Variants in CFAP54 observed in about 807,000 individuals in gnomAD.
CFAP54 encodes cilia and flagella associated protein 54, also known as cilia- and flagella-associated protein 54.
In CFAP54, 290 loss-of-function variants were observed where a neutral mutation model predicts 370.4. The observed-to-expected ratio is 0.78, with a 90% CI of 0.71 to 0.86. The LOEUF is 0.86. Ranked by LOEUF, CFAP54 falls within the 40% of genes least tolerant of loss-of-function variation. The probability of loss-of-function intolerance (pLI) is 0.00; values close to 1 mark genes in which losing one functional copy is unlikely to be tolerated. For missense variants in CFAP54, 3,399 were observed against 3,528.7 expected (o/e 0.96, Z 0.93); for synonymous variants, 1,206 against 1,236.5 (o/e 0.98, Z 0.52).
At chr12:96,722,238 T>G (rs530106338) in intron 50 of CFAP54, among the ~76,000 whole-genome samples, 2 of 152,310 alleles carry the variant, frequency 1.3e-5, no homozygotes, top group African/African-American at 4.8e-5. Context: ...AAGGTCTCTT[T>G]ATGTGAGCAG....
chr12:96,511,203 A>G (rs1955162559), intron 4 of CFAP54, among the ~76,000 whole-genome samples: 1 of 152,008 alleles, frequency 6.6e-6, no homozygotes, highest in Non-Finnish European at 1.5e-5. Context: ...TTAAATTTAA[A>G]TTTTATTCAA....
At chr12:96,552,323 G>A (rs12370030) in intron 15 of CFAP54, among the ~76,000 whole-genome samples, 1 of 150,564 alleles carries the variant, frequency 6.6e-6, no homozygotes, top group Non-Finnish European at 1.5e-5. Flanking sequence ...ATACATTGCA[G>A]CATATTTAGT....
At chr12:96,608,486 G>T (rs1490874114) in intron 26 of CFAP54, among the ~76,000 whole-genome samples, 3 of 116,640 alleles carry the variant, frequency 2.6e-5, no homozygotes, top group African/African-American at 1.0e-4. Context: ...TTTTGAGGCA[G>T]AGTCTCACTC....
rs772327607 is a variant in CFAP54, at chr12:96,742,530, G to A, written c.7163G>A (p.Arg2388His). 20 of 1,613,012 alleles carry A rather than the reference G, an allele frequency of 1.2e-5. No individual in the cohort carries two copies. The Admixed American group carries it at 1.7e-4, about 13-fold the overall frequency. The change falls in exon 52 of 68, where the codon CGC becomes CAC. Residue 2388 changes from arginine (R) to histidine (H), a missense_variant. By Grantham distance (29) the Arg-to-His change is conservative. Transcript: ENST00000524981. ...AACATTCATCTGTGGTTGAGGTGCC[G>A]CTTAGCATTGGTGACTGCATTTGTT... ...YFNIHLWLRC[R>H]LALVTAFVAQ...
intron 67 of CFAP54, among the ~76,000 whole-genome samples, chr12:96,868,417 C>CA (rs1286027281): frequency 2.1e-5 from 3 of 141,986 alleles, no homozygotes; most frequent in African/African-American, 5.0e-5. Flanking sequence ...CAATTTTTTA[C>CA]TTGTATGTTC....
chr12:96,660,967 A>G (rs901213434), intron 38 of CFAP54, among the ~76,000 whole-genome samples: 28 of 152,200 alleles, frequency 1.8e-4, no homozygotes, highest in African/African-American at 6.8e-4. Flanking sequence ...ATGAAGAGAT[A>G]CATAGGGTGA....
At chr12:96,550,236 G>A (rs1055139376) in intron 15 of CFAP54, among the ~76,000 whole-genome samples, 4 of 152,146 alleles carry the variant, frequency 2.6e-5, no homozygotes, top group African/African-American at 9.7e-5. Context: ...TGATGATGAT[G>A]ATGATAGAAT....
intron 30 of CFAP54, among the ~76,000 whole-genome samples, chr12:96,628,293 T>C (rs1205113930): frequency 2.0e-5 from 3 of 152,188 alleles, no homozygotes; most frequent in Admixed American, 6.5e-5. Context: ...TTTATCAAAA[T>C]GAAAAGCAGT....
chr12:96,765,612 A>G (rs1958395283), intron 60 of CFAP54, among the ~76,000 whole-genome samples: 2 of 152,080 alleles, frequency 1.3e-5, no homozygotes, highest in Admixed American at 6.5e-5. Context: ...ATTTGTATAT[A>G]TGTTTGATTA....
Position 96,797,500 on chromosome 12 carries a change from G to A in CFAP54, c.8850+5001G>A, listed in dbSNP as rs183657727. ...TCTCAAATTTTGCTTTACTTAATTT[G>A]AGGCTGTGTTCTTGGGTGCAATCAG... is the stretch of plus-strand genomic sequence containing the variant. On this transcript the variant is annotated intron_variant, in intron 63 of 67. Transcript: ENST00000524981. 6.6e-5 allele frequency among the ~76,000 whole-genome samples: 10 copies of A among 152,022 alleles called. No homozygotes were observed. The East Asian group carries it at 1.9e-3, about 29-fold the overall frequency.
intron 43 of CFAP54, 100 bp from the exon 44 acceptor site, chr12:96,691,028 A>T: frequency 1.0e-6 from 1 of 988,466 alleles, no homozygotes; most frequent in Non-Finnish European, 1.5e-6. Flanking sequence ...CTAGGCATAT[A>T]CTAAGCATTT....
In CFAP54 at chr12:96,644,310, G is replaced by A. The variant is rs1300507423; in HGVS notation, c.4449G>A (p.Gln1483=). The change falls in exon 33 of 68, where the codon CAG becomes CAA. Residue 1483 remains glutamine, a synonymous_variant. Transcript: ENST00000524981. ...TTGAAGAGATGCCCTGGAGAGCTCA[G>A]ATGAACCTGTATCTAGCAGGTGCAC... ...LSLEEMPWRA[Q]MNLYLAGAHF... 6.5e-7 allele frequency: 1 copy of A among 1,535,990 alleles called. No homozygotes were observed. The highest frequency in any genetic ancestry group is 8.7e-7 in the Non-Finnish European group (1 of 1,146,790).
At chr12:96,768,415 G>A (rs960009516) in intron 60 of CFAP54, among the ~76,000 whole-genome samples, 1 of 152,174 alleles carries the variant, frequency 6.6e-6, no homozygotes, top group Non-Finnish European at 1.5e-5. Context: ...CACTTTGGAA[G>A]GCCAAGAAGG....
chr12:96,499,830 C>T (rs527707669), intron 1 of CFAP54, among the ~76,000 whole-genome samples: 111 of 152,210 alleles, frequency 7.3e-4, no homozygotes, highest in African/African-American at 2.6e-3. Context: ...CCTGTAATCC[C>T]AGCTACTCGG....
At chr12:96,849,462 G>A (rs1215832578) in intron 66 of CFAP54, among the ~76,000 whole-genome samples, 1 of 152,208 alleles carries the variant, frequency 6.6e-6, no homozygotes, top group Non-Finnish European at 1.5e-5. Flanking sequence ...CTGACAGTGT[G>A]CAGAGAGAAG....
intron 8 of CFAP54, among the ~76,000 whole-genome samples, chr12:96,525,914 C>G (rs1955375717): frequency 6.6e-6 from 1 of 152,200 alleles, no homozygotes; most frequent in African/African-American, 2.4e-5. Flanking sequence ...TGGTCTCGAA[C>G]TCCTGACCTT....
At chr12:96,750,231 C>T (rs1958166920) in intron 55 of CFAP54, among the ~76,000 whole-genome samples, 1 of 152,192 alleles carries the variant, frequency 6.6e-6, no homozygotes, top group Admixed American at 6.5e-5. Flanking sequence ...GCAGAAGATC[C>T]TGTACCAGCT....
chr12:96,829,810 C>T (rs1211893583), intron 66 of CFAP54, among the ~76,000 whole-genome samples: 1 of 152,040 alleles, frequency 6.6e-6, no homozygotes, highest in Non-Finnish European at 1.5e-5. Context: ...CGCTGTCTAT[C>T]ACTGTCCAGA....
At chr12:96,734,024 T>C (rs1957953458) in intron 50 of CFAP54, among the ~76,000 whole-genome samples, 1 of 151,946 alleles carries the variant, frequency 6.6e-6, no homozygotes, top group Non-Finnish European at 1.5e-5. Flanking sequence ...GCACGTTTCC[T>C]GTGCACACAC....
Sources: allele counts gnomAD v4.1 joint callset (sites outside exome capture counted in the v4.1 genomes callset), GRCh38; gene constraint gnomAD v4.1.1; transcripts MANE v1.5; gene names NCBI Gene and HGNC (gene_info 2026-07-23, HGNC 2026-07-21).